The following PCDHGB2 variants were observed in gnomAD, a reference collection of about 807,000 sequenced individuals.
PCDHGB2 encodes protocadherin gamma-B2.
In PCDHGB2, 55 loss-of-function variants were observed where a neutral mutation model predicts 59.3. The observed-to-expected ratio is 0.93, with a 90% CI of 0.75 to 1.16. The LOEUF is 1.16. PCDHGB2 is among the 50% of genes most tolerant of loss of function. The pLI is 0.00. For missense variants in PCDHGB2, 1,228 were observed against 1,198.5 expected, an observed-to-expected ratio of 1.02 and a Z score of -0.36; for synonymous variants, 516 against 512.0, an observed-to-expected ratio of 1.01 and a Z score of -0.11.
In PCDHGB2 at chr5:141,477,854, C is replaced by G; in HGVS notation, c.2422-16953C>G. 3.1e-6 allele frequency: 5 copies of G among 1,614,098 alleles called. No individual in the cohort carries two copies. Among genetic ancestry groups the G allele is most frequent in the Non-Finnish European group, 4.2e-6 (5 of 1,180,004 alleles). ...GCCAGGTGGGAGCTCGGTGGAGATG[C>G]TGCCTCGAGGTACCTCAGCTGGCCA... On this transcript the variant is annotated intron_variant, in intron 1 of 3. Transcript: ENST00000522605. This position sits in a 1 kb window ranked among gnomAD's most constrained non-coding sequence, Gnocchi z 4.9.
rs199625514 is a variant in PCDHGB2 at position 141,485,144 on chromosome 5, G to C, written c.2422-9663G>C. The C allele has an allele frequency of 6.4e-7, 1 of 1,564,190 alleles. No homozygotes were observed. Among genetic ancestry groups the C allele is most frequent in the African/African-American group, 1.4e-5 (1 of 74,034 alleles). ...CGGGTCGGCTTCATCCGCGTCTCAG[G>C]AGCAAGTAGAGAATTAGCGGGCGGC... On this transcript the variant is annotated intron_variant, in intron 1 of 3. Coordinates refer to ENST00000522605, the MANE Select transcript of PCDHGB2 (RefSeq NM_018923.3). The surrounding 1 kb of genome is among the most constrained non-coding windows in gnomAD (Gnocchi z 5.7).
chr5:141,470,869 T>C (rs1215083835), intron 1 of PCDHGB2, among the ~76,000 whole-genome samples: 1 of 151,910 alleles, frequency 6.6e-6, no homozygotes, highest in African/African-American at 2.4e-5. Context: ...TTTGTTTGTT[T>C]GTTTTTTTGT....
In PCDHGB2 at chr5:141,374,145, G is replaced by A. The variant is rs749263007; in HGVS notation, c.2421+11589G>A. 36 of 1,610,792 alleles carry A rather than the reference G, an allele frequency of 2.2e-5. No homozygotes were observed. In the Admixed American group the frequency reaches 2.8e-4, roughly 13 times the overall value. ...CAGGTCCTGCTCCTCACGCTCCTGG[G>A]GACGCTGTGGGGGGCCGCGGCAGCG... On this transcript the variant is annotated intron_variant, in intron 1 of 3. Transcript: ENST00000522605.
chr5:141,370,090 A>G (rs1766666321), intron 1 of PCDHGB2, among the ~76,000 whole-genome samples: 1 of 152,252 alleles, frequency 6.6e-6, no homozygotes, highest in South Asian at 2.1e-4. Context: ...CACTATCAGT[A>G]CACTGCCGAT....
chr5:141,371,950 C>A (rs749822569), intron 1 of PCDHGB2: 2 of 1,613,286 alleles, frequency 1.2e-6, no homozygotes, highest in South Asian at 2.2e-5. Flanking sequence ...GCGCAGCGAG[C>A]CTTCGACCAC....
intron 2 of PCDHGB2, among the ~76,000 whole-genome samples, chr5:141,504,451 G>A (rs2099838355): frequency 1.3e-5 from 2 of 152,070 alleles, no homozygotes; most frequent in South Asian, 4.2e-4. Context: ...CTAGTGCCAT[G>A]TGGGGCAGCC....
At chr5:141,389,585 C>G in intron 1 of PCDHGB2, 1 of 1,613,182 alleles carries the variant, frequency 6.2e-7, no homozygotes, top group Non-Finnish European at 8.5e-7. Context: ...CGCTGGGTCC[C>G]GACGGCTCTG....
At chr5:141,480,871 C>T (rs1262582761) in intron 1 of PCDHGB2, among the ~76,000 whole-genome samples, 1 of 151,930 alleles carries the variant, frequency 6.6e-6, no homozygotes, top group Non-Finnish European at 1.5e-5. Context: ...ATGGTGAAAC[C>T]CCGTCTCTAC....
At chr5:141,383,542 T>G (rs1779235852) in intron 1 of PCDHGB2, 1 of 1,612,562 alleles carries the variant, frequency 6.2e-7, no homozygotes, top group Non-Finnish European at 8.5e-7. Flanking sequence ...CCTCACAGCC[T>G]CTGATGGCGG....
intron 1 of PCDHGB2, chr5:141,389,055 A>T: frequency 6.2e-7 from 1 of 1,613,996 alleles, no homozygotes; most frequent in Middle Eastern, 1.6e-4. Flanking sequence ...TGTTCCATTT[A>T]AAATATTAAC....
chr5:141,380,499 A>G (rs1185808520), intron 1 of PCDHGB2, among the ~76,000 whole-genome samples: 4 of 152,330 alleles, frequency 2.6e-5, no homozygotes, highest in East Asian at 1.9e-4. Flanking sequence ...GTCAACAATA[A>G]TATACACTCT....
intron 1 of PCDHGB2, chr5:141,364,702 C>A: frequency 1.2e-6 from 2 of 1,613,920 alleles, no homozygotes; most frequent in Non-Finnish European, 1.7e-6. Flanking sequence ...TAGAAATAAT[C>A]GATATTAATG....
chr5:141,512,068 C>T lies in PCDHGB2; in HGVS notation c.*895C>T, dbSNP rs1215311369. 6.6e-6 allele frequency: 1 copy of T among 152,664 alleles called. No individual in the cohort carries two copies. The highest frequency in any genetic ancestry group is 1.5e-5 in the Non-Finnish European group (1 of 68,066). The allele number at this position is 152,664 out of a possible 1,614,324, so 9.5% of individuals were successfully genotyped here. On this transcript the variant is annotated 3_prime_UTR_variant, in exon 4 of 4. Transcript: ENST00000522605. The stretch of plus-strand genomic sequence containing the variant: ...TCCTCAGGGGACTGACAACATCCTC[C>T]AGATTCCAGCCATAAACCAATAACT...
Position 141,487,779 on chromosome 5 carries a change from T to C in PCDHGB2, c.2422-7028T>C, listed in dbSNP as rs1269811316. On this transcript the variant is annotated intron_variant, in intron 1 of 3. Coordinates refer to ENST00000522605, the MANE Select transcript of PCDHGB2 (RefSeq NM_018923.3). This position sits in a 1 kb window ranked among gnomAD's most constrained non-coding sequence, Gnocchi z 5.0. ...GTAGACGCTGTGCTTTGTAACTGTT[T>C]CGTGAATTAACCAGAGTTGTCACAG... is the stretch of plus-strand genomic sequence containing the variant. 2.6e-6 allele frequency: 4 copies of C among 1,530,492 alleles called. No individual in the cohort carries two copies. The highest frequency in any genetic ancestry group is 2.6e-6 in the Non-Finnish European group (3 of 1,133,212). The allele number at this position is 1,530,492 out of a possible 1,614,324, so 94.8% of individuals were successfully genotyped here. A position where few individuals can be genotyped will look rare whatever the true frequency, so the allele number is the denominator to read the frequency against.
chr5:141,419,613 G>T (rs369914837), intron 1 of PCDHGB2: 144 of 1,612,020 alleles, frequency 8.9e-5, no homozygotes, highest in Admixed American at 1.5e-4. Context: ...GCGCAGCCAG[G>T]CTACCTGGTG....
chr5:141,473,892 G>C (rs1247711441), intron 1 of PCDHGB2, among the ~76,000 whole-genome samples: 1 of 152,138 alleles, frequency 6.6e-6, no homozygotes, highest in African/African-American at 2.4e-5. Context: ...GGGTTCTGTT[G>C]GTTCATGAAG....
chr5:141,362,027 C>T lies in PCDHGB2; in HGVS notation c.1892C>T (p.Ala631Val). The T allele has an allele frequency of 1.2e-6, 2 of 1,608,844 alleles. No individual in the cohort carries two copies. The highest frequency in any genetic ancestry group is 1.7e-6 in the Non-Finnish European group (2 of 1,179,180). Residue 631 changes from alanine (A) to valine (V), a missense_variant, in exon 1 of 4, where the codon GCC (alanine) becomes GTC (valine). Physicochemically the swap from Ala to Val is moderately conservative, Grantham distance 64. Transcript: ENST00000522605. ...LRTGEVRTAR[A>V]LGDRDAARQR... ...ACGGGTGAGGTGCGCACAGCGCGTG[C>T]CTTGGGCGACAGGGACGCGGCCCGC... is the stretch of plus-strand genomic sequence containing the variant.
chr5:141,432,495 C>G lies in PCDHGB2; in HGVS notation c.2422-62312C>G. 1.2e-6 allele frequency: 2 copies of G among 1,614,182 alleles called. No individual in the cohort carries two copies. The highest frequency in any genetic ancestry group is 1.7e-6 in the Non-Finnish European group (2 of 1,180,048). On this transcript the variant is annotated intron_variant, in intron 1 of 3. Coordinates refer to ENST00000522605, the MANE Select transcript of PCDHGB2 (RefSeq NM_018923.3). The surrounding 1 kb of genome is among the most constrained non-coding windows in gnomAD (Gnocchi z 6.0). ...GGTTCCACTGGCGTGGAGCTGGCTC[C>G]CCGCTCCGCAGAGCCCGGCTACCTG...
intron 1 of PCDHGB2, chr5:141,471,166 C>T (rs1427053969): frequency 2.0e-5 from 3 of 150,492 alleles, no homozygotes; most frequent in Non-Finnish European, 2.9e-5. Context: ...TCTCCTGGCT[C>T]AGCCTCCCTA....
Sources: gnomAD v4.1 joint callset for allele counts (sites outside exome capture counted in the v4.1 genomes callset) on GRCh38, gnomAD v4.1.1 for gene constraint, Gnocchi (gnomAD v3.1) non-coding constraint, MANE v1.5 for transcripts, NCBI Gene and HGNC (gene_info 2026-07-23, HGNC 2026-07-21) for gene names.